ELAVL2: variants seen among roughly 807,000 people sequenced by gnomAD.
ELAVL2 encodes ELAV like RNA binding protein 2.
A neutral mutation model predicts 34.6 loss-of-function variants in ELAVL2; 4 were observed. The ratio of observed to expected loss-of-function variants is 0.12; its 90% CI spans 0.06 to 0.26. The LOEUF is 0.26. Among genes scored for constraint, ELAVL2 ranks in the 10% least tolerant of loss-of-function variants. The pLI is 1.00. For missense variants in ELAVL2, 432 were observed against 442.8 expected, an observed-to-expected ratio of 0.98 and a Z score of 0.22; for synonymous variants, 193 against 154.8, an observed-to-expected ratio of 1.25 and a Z score of -1.83.
At chr9:23,767,639 G>A (rs1351685842) in intron 1 of ELAVL2, among the ~76,000 whole-genome samples, 4 of 152,054 alleles carry the variant, frequency 2.6e-5, no homozygotes, top group South Asian at 4.1e-4. Flanking sequence ...AATATTAGCT[G>A]GGCGTGGTCT....
chr9:23,739,095 G>A (rs945110782), intron 2 of ELAVL2, among the ~76,000 whole-genome samples: 1 of 151,386 alleles, frequency 6.6e-6, no homozygotes. Flanking sequence ...ATTACACCGG[G>A]TACACAAAGA....
At chr9:23,756,895 C>A (rs750544456) in intron 2 of ELAVL2, among the ~76,000 whole-genome samples, 15 of 152,092 alleles carry the variant, frequency 9.9e-5, no homozygotes, top group Non-Finnish European at 1.8e-4. Flanking sequence ...TTCAGTAGGC[C>A]TGGACAGAGC....
chr9:23,735,229 G>A (rs2047586521), intron 2 of ELAVL2: 2 of 150,910 alleles, frequency 1.3e-5, no homozygotes, highest in African/African-American at 2.4e-5. Context: ...GCTATTCTCA[G>A]AAGCTACCTG....
At chr9:23,786,474 CAATG>C (rs1211284790) in intron 1 of ELAVL2, among the ~76,000 whole-genome samples, 1 of 151,734 alleles carries the variant, frequency 6.6e-6, no homozygotes, top group Non-Finnish European at 1.5e-5. Context: ...AGAAGAATAA[CAATG>C]AAACTTGAGG....
At chr9:23,807,816 A>T (rs2062434493) in intron 1 of ELAVL2, among the ~76,000 whole-genome samples, 2 of 152,230 alleles carry the variant, frequency 1.3e-5, no homozygotes. Flanking sequence ...GTGTTATTTA[A>T]ACAAATACTG....
intron 1 of ELAVL2, among the ~76,000 whole-genome samples, chr9:23,822,317 C>T (rs1028931432): frequency 1.8e-4 from 27 of 152,160 alleles, no homozygotes; most frequent in African/African-American, 6.3e-4. Flanking sequence ...GCTGCCCCTC[C>T]CTGCCTCTCT....
intron 3 of ELAVL2, among the ~76,000 whole-genome samples, chr9:23,712,427 C>A (rs1463923449): frequency 6.6e-6 from 1 of 151,962 alleles, no homozygotes; most frequent in African/African-American, 2.4e-5. Flanking sequence ...TTCTTGTATA[C>A]ACATAAGGAA....
intron 2 of ELAVL2, among the ~76,000 whole-genome samples, chr9:23,732,325 T>C (rs1229650378): frequency 6.6e-6 from 1 of 152,226 alleles, no homozygotes; most frequent in African/African-American, 2.4e-5. Flanking sequence ...CTAAATACAG[T>C]GCCCAATATG....
At chr9:23,799,854 C>T (rs955120168) in intron 1 of ELAVL2, among the ~76,000 whole-genome samples, 2 of 152,082 alleles carry the variant, frequency 1.3e-5, no homozygotes, top group African/African-American at 4.8e-5. Flanking sequence ...AATCTTAAGC[C>T]CTTTGTAGTT....
At chr9:23,767,501 C>T (rs1027251563) in intron 1 of ELAVL2, among the ~76,000 whole-genome samples, 3 of 152,154 alleles carry the variant, frequency 2.0e-5, no homozygotes, top group African/African-American at 7.2e-5. Flanking sequence ...CTTAAATAGG[C>T]CAGACTCGGC....
At chr9:23,713,177 T>TG (rs1174852790) in intron 3 of ELAVL2, among the ~76,000 whole-genome samples, 1 of 152,226 alleles carries the variant, frequency 6.6e-6, no homozygotes, top group Non-Finnish European at 1.5e-5. Flanking sequence ...AGTATGAAGT[T>TG]GGTTCAACAA....
At chr9:23,792,778 T>A (rs2060475758) in intron 1 of ELAVL2, among the ~76,000 whole-genome samples, 1 of 152,148 alleles carries the variant, frequency 6.6e-6, no homozygotes, top group East Asian at 1.9e-4. Flanking sequence ...ATATTTTTCT[T>A]TTATTTTTTA....
At chr9:23,799,771 G>A (rs1035931703) in intron 1 of ELAVL2, among the ~76,000 whole-genome samples, 5 of 152,158 alleles carry the variant, frequency 3.3e-5, no homozygotes, top group Non-Finnish European at 7.3e-5. Context: ...CCAAATAAGA[G>A]ACCACAGTTG....
intron 1 of ELAVL2, among the ~76,000 whole-genome samples, chr9:23,786,781 C>CAAAAAAAAAAAAAAAAAAAAAAAA (rs57292061): frequency 1.8e-5 from 2 of 108,144 alleles, no homozygotes; most frequent in African/African-American, 3.4e-5. Context: ...ATTTTAGTGG[C>CAAAAAAAAAAAAAAAAAAAAAAAA]AAAAAAAAAA....
intron 5 of ELAVL2, among the ~76,000 whole-genome samples, chr9:23,698,040 G>A (rs1035374897): frequency 3.3e-5 from 5 of 152,166 alleles, no homozygotes; most frequent in African/African-American, 1.2e-4. Context: ...AGGAAATTGT[G>A]ATAATGCAAC....
chr9:23,791,721 C>G (rs783564), intron 1 of ELAVL2, among the ~76,000 whole-genome samples: 2 of 152,070 alleles, frequency 1.3e-5, no homozygotes, highest in South Asian at 4.1e-4. Context: ...AGTGAGGACA[C>G]AGTGAGAAGG....
At chr9:23,802,042 A>G (rs2061626658) in intron 1 of ELAVL2, among the ~76,000 whole-genome samples, 1 of 152,174 alleles carries the variant, frequency 6.6e-6, no homozygotes, top group Admixed American at 6.5e-5. Context: ...TTAAGTGCAG[A>G]TGTGTTCCAC....
upstream of ELAVL2, among the ~76,000 whole-genome samples, chr9:23,828,259 T>A (rs1316648224): frequency 6.6e-6 from 1 of 152,208 alleles, no homozygotes; most frequent in Non-Finnish European, 1.5e-5. Flanking sequence ...CAGACTTACC[T>A]AGGCAGTGAA....
intron 1 of ELAVL2, among the ~76,000 whole-genome samples, chr9:23,771,866 G>A (rs893984415): frequency 1.3e-5 from 2 of 152,144 alleles, no homozygotes; most frequent in African/African-American, 4.8e-5. Flanking sequence ...TAAGCCATGA[G>A]ATAACTCTGT....
Sources: gnomAD v4.1 joint callset for allele counts (sites outside exome capture counted in the v4.1 genomes callset) on GRCh38, gnomAD v4.1.1 for gene constraint, MANE v1.5 for transcripts, NCBI Gene and HGNC (gene_info 2026-07-23, HGNC 2026-07-21) for gene names.